AFAP1L2: variants seen among roughly 807,000 people sequenced by gnomAD.
The protein encoded by AFAP1L2 is actin filament associated protein 1 like 2, also known as actin filament-associated protein 1-like 2.
Under a neutral mutation model 99.3 loss-of-function variants are expected in AFAP1L2, and 46 were observed. That is an observed-to-expected ratio of 0.46 (90% CI 0.37 to 0.59). AFAP1L2 has a LOEUF of 0.59. Ranked by LOEUF, AFAP1L2 falls within the 20% of genes least tolerant of loss-of-function variation. The probability of loss-of-function intolerance (pLI) is 0.00; values close to 1 mark genes in which losing one functional copy is unlikely to be tolerated. For synonymous variants in AFAP1L2, 397 were observed against 419.1 expected, an observed-to-expected ratio of 0.95 and a Z score of 0.64; for missense variants, 959 against 1,034.9, an observed-to-expected ratio of 0.93 and a Z score of 1.01.
intron 1 of AFAP1L2, among the ~76,000 whole-genome samples, chr10:114,385,818 T>C (rs2056427263): frequency 6.6e-6 from 1 of 152,154 alleles, no homozygotes; most frequent in Non-Finnish European, 1.5e-5. Flanking sequence ...AGAACGTCAG[T>C]GAAAGATTCT....
rs2042752444 is a variant in AFAP1L2 at position 114,308,495 on chromosome 10, A to C, written c.905T>G (p.Leu302Arg). Residue 302 changes from leucine (L) to arginine (R), a missense_variant, in exon 9 of 19, where the codon CTG (leucine) becomes CGG (arginine). Leu to Arg is a moderately radical substitution (Grantham distance 102, BLOSUM62 -2). This residue lies in a region of AFAP1L2 where 383 missense variants were observed against 472.8 expected (regional missense o/e 0.81). Coordinates refer to ENST00000304129, the MANE Select transcript of AFAP1L2 (RefSeq NM_001001936.3). ...GGAGCTCCCATACTCTGAAGCCGAC[A>C]GGTACTTCTCAGCTATATCTGGCTA... ...CQKPDIAEKY[L>R]SASEYGSSVD... 1 of 1,614,088 alleles carries C rather than the reference A, an allele frequency of 6.2e-7. No individual in the cohort carries two copies. Among genetic ancestry groups the C allele is most frequent in the Admixed American group, 1.7e-5 (1 of 60,008 alleles).
At chr10:114,362,124 G>T (rs1227957544) in intron 1 of AFAP1L2, among the ~76,000 whole-genome samples, 3 of 152,172 alleles carry the variant, frequency 2.0e-5, no homozygotes, top group African/African-American at 4.8e-5. Flanking sequence ...CATGCCCATA[G>T]AAGTGAGGGA....
In AFAP1L2 at chr10:114,295,901, T is replaced by G; in HGVS notation, c.*141A>C. The G allele has an allele frequency of 6.4e-7, 1 of 1,552,566 alleles. No individual in the cohort carries two copies. Among genetic ancestry groups the G allele is most frequent in the Non-Finnish European group, 8.7e-7 (1 of 1,149,934 alleles). On this transcript the variant is annotated 3_prime_UTR_variant, in exon 19 of 19. Transcript: ENST00000304129. The stretch of plus-strand genomic sequence containing the variant: ...AAAAGGGACAGAGCCTCCTCTTAGC[T>G]GAAGCTCTCCATTCACAGTACCTCA...
chr10:114,317,142 C>CGGTTTTACTAAGAAGCACATTT (rs2044264904), intron 5 of AFAP1L2, among the ~76,000 whole-genome samples: 1 of 151,416 alleles, frequency 6.6e-6, no homozygotes, highest in Non-Finnish European at 1.5e-5. Context: ...AAAATGTTGT[C>CGGTTTTACTAAGAAGCACATTT]GATTTTACTA....
rs759115083 is a variant in AFAP1L2 at position 114,301,403 on chromosome 10, C to A, written c.1493G>T (p.Arg498Leu). The part of the protein sequence containing the change: ...TYIDGLPSQD[R>L]QEELYDDVDL... ...CACGTCGTCATACAGCTCCTCCTGGCGGTCCTGGCTAGGCAGGCCATCGAT... is the reference window on the plus strand; with the variant it reads ...CACGTCGTCATACAGCTCCTCCTGGAGGTCCTGGCTAGGCAGGCCATCGAT... Residue 498 changes from arginine (R) to leucine (L), a missense_variant, in exon 13 of 19, where the codon CGC (arginine) becomes CTC (leucine). Around this residue, in one of 2 missense-constraint regions of AFAP1L2, gnomAD observed 576 missense variants for 562.1 expected, o/e 1.02. Coordinates refer to ENST00000304129, the MANE Select transcript of AFAP1L2 (RefSeq NM_001001936.3). 5 of 1,614,110 alleles carry A rather than the reference C, an allele frequency of 3.1e-6. No homozygotes were observed. The highest frequency in any genetic ancestry group is 1.3e-5 in the African/African-American group (1 of 74,946).
At chr10:114,293,564 G>A (rs997441627), downstream of AFAP1L2, among the ~76,000 whole-genome samples, 1 of 152,114 alleles carries the variant, frequency 6.6e-6, no homozygotes, top group Non-Finnish European at 1.5e-5. Flanking sequence ...CTATCCTATG[G>A]CCTAACTAGC....
chr10:114,372,328 C>T lies in AFAP1L2; in HGVS notation c.17-31597G>A, dbSNP rs142616510. Among the ~76,000 whole-genome samples the T allele has an allele frequency of 6.4e-4, 98 of 152,310 alleles. 1 individual carries two copies. Among genetic ancestry groups the T allele is most frequent in the African/African-American group, 2.2e-3 (90 of 41,570 alleles). On this transcript the variant is annotated intron_variant, in intron 1 of 18. Coordinates refer to ENST00000304129, the MANE Select transcript of AFAP1L2 (RefSeq NM_001001936.3). ...AGATTTTCCCTCTGTAAACACCAAG[C>T]CCAGCCTTGGGCTGACTTGCCATTG...
chr10:114,325,091 T>C (rs2046048601), intron 4 of AFAP1L2, among the ~76,000 whole-genome samples: 1 of 152,212 alleles, frequency 6.6e-6, no homozygotes, highest in African/African-American at 2.4e-5. Context: ...CTGGAGTTCA[T>C]GTAACTTGAT....
intron 1 of AFAP1L2, among the ~76,000 whole-genome samples, chr10:114,385,194 G>A (rs1325635668): frequency 6.6e-6 from 1 of 152,158 alleles, no homozygotes; most frequent in African/African-American, 2.4e-5. Context: ...GACCAGCAGG[G>A]ACAGGACATG....
chr10:114,286,272 G>C, the AFAP1L2 span: 1 of 1,610,826 alleles, frequency 6.2e-7, no homozygotes, highest in Admixed American at 1.7e-5. Flanking sequence ...GGCCAGGACC[G>C]GCCACGTAGA....
intron 1 of AFAP1L2, among the ~76,000 whole-genome samples, chr10:114,378,875 G>A (rs1173406302): frequency 1.3e-5 from 2 of 152,010 alleles, no homozygotes; most frequent in African/African-American, 4.8e-5. Context: ...AGCAAAATTG[G>A]GATCTTCAAA....
intron 5 of AFAP1L2, among the ~76,000 whole-genome samples, chr10:114,320,735 C>T (rs548734188): frequency 1.3e-5 from 2 of 152,302 alleles, no homozygotes; most frequent in African/African-American, 4.8e-5. Flanking sequence ...TTGTTTGTGT[C>T]GAGATGGAGT....
chr10:114,379,983 C>T (rs76239419), intron 1 of AFAP1L2, among the ~76,000 whole-genome samples: 2,533 of 152,272 alleles, frequency 0.017, 63 homozygotes, highest in African/African-American at 0.057. Flanking sequence ...CTTTGTGAGG[C>T]GGCAGGGGCG....
At position 114,295,016 on chromosome 10, in the gene AFAP1L2, TAAAAAAAAAAAA is replaced by T. The variant is rs10627231; in HGVS notation, c.*1014_*1025del. ...ATAGATGAAATGTTTCAACCTGTGT[TAAAAAAAAAAAA>T]AAAAAAATGCCATCAGAGGAAAAGA... On this transcript the variant is annotated 3_prime_UTR_variant, in exon 19 of 19. Transcript: ENST00000304129. The T allele has an allele frequency of 7.9e-6, 7 of 884,436 alleles. No individual in the cohort carries two copies. In the African/African-American group the frequency reaches 1.2e-4, roughly 15 times the overall value. The allele number at this position is 884,436 out of a possible 1,614,324, so 54.8% of individuals were successfully genotyped here.
chr10:114,376,756 A>G (rs569637570), intron 1 of AFAP1L2, among the ~76,000 whole-genome samples: 1 of 152,362 alleles, frequency 6.6e-6, no homozygotes, highest in African/African-American at 2.4e-5. Context: ...GTCGACACTC[A>G]GTTAAAAACA....
chr10:114,347,606 G>A (rs11196709), intron 1 of AFAP1L2, among the ~76,000 whole-genome samples: 15,019 of 151,974 alleles, frequency 0.099, 971 homozygotes, highest in East Asian at 0.26. Context: ...TGGGACTATA[G>A]GCATGTACCA....
chr10:114,380,973 C>A (rs974977395), intron 1 of AFAP1L2, among the ~76,000 whole-genome samples: 1 of 152,190 alleles, frequency 6.6e-6, no homozygotes, highest in Admixed American at 6.5e-5. Flanking sequence ...CATGACCCAA[C>A]AATTTCGCTC....
In AFAP1L2 at chr10:114,377,021, C is replaced by A. The variant is rs1162003936; in HGVS notation, c.16+27419G>T. ...GACCCAACACAGGGAAGGTGAAGGG[C>A]ACTCAACTTGGTGTTTTCAAATATC... On this transcript the variant is annotated intron_variant, in intron 1 of 18. Coordinates refer to ENST00000304129, the MANE Select transcript of AFAP1L2 (RefSeq NM_001001936.3). The surrounding 1 kb of genome is among the most constrained non-coding windows in gnomAD (Gnocchi z 4.0). Among the ~76,000 whole-genome samples the A allele has an allele frequency of 6.6e-6, 1 of 152,168 alleles. No individual in the cohort carries two copies. Among genetic ancestry groups the A allele is most frequent in the Non-Finnish European group, 1.5e-5 (1 of 68,036 alleles).
At chr10:114,308,283 C>T (rs2042722309) in intron 9 of AFAP1L2, 150 bp downstream of exon 9, 1 of 670,668 alleles carries the variant, frequency 1.5e-6, no homozygotes. Context: ...GCCGAGTCTC[C>T]CTTTTTCCTG....
Sources: gnomAD v4.1 joint callset for allele counts (sites outside exome capture counted in the v4.1 genomes callset) on GRCh38, gnomAD v4.1.1 for gene constraint, gnomAD v4.1.1 regional missense constraint, Gnocchi (gnomAD v3.1) non-coding constraint, MANE v1.5 for transcripts, NCBI Gene and HGNC (gene_info 2026-07-23, HGNC 2026-07-21) for gene names.